The following MOCOS variants were observed in gnomAD, a reference collection of about 807,000 sequenced individuals.
MOCOS encodes the protein molybdenum cofactor sulfurase.
MOCOS carries 86 observed loss-of-function variants against 83.6 expected under a neutral mutation model. The observed-to-expected ratio is 1.03, with a 90% CI of 0.86 to 1.23. The LOEUF is 1.23. MOCOS is among the 50% of genes most tolerant of loss of function. The pLI, the probability that MOCOS is intolerant of heterozygous loss-of-function variation, is 0.00. For missense variants in MOCOS, 1,120 were observed against 1,126.9 expected, an observed-to-expected ratio of 0.99 and a Z score of 0.09; for synonymous variants, 445 against 434.7, an observed-to-expected ratio of 1.02 and a Z score of -0.29.
Position 36,187,520 on chromosome 18 carries a change from T to C in MOCOS, c.-20T>C, listed in dbSNP as rs1478224739. ...GCGCACTTCCCGGGCCCGGCCGGCC[T>C]GGATGGACTAGCCGGGGCCATGGCC... On this transcript the variant is annotated 5_prime_UTR_variant, in exon 1 of 15. Transcript: ENST00000261326. The C allele has an allele frequency of 8.1e-7, 1 of 1,230,720 alleles. No individual in the cohort carries two copies. Among genetic ancestry groups the C allele is most frequent in the Non-Finnish European group, 1.0e-6 (1 of 986,542 alleles). 76.2% of individuals were successfully genotyped at this position (1,230,720 alleles called of 1,614,324 possible).
intron 5 of MOCOS, among the ~76,000 whole-genome samples, chr18:36,204,153 G>A (rs1033959362): frequency 5.9e-5 from 9 of 151,930 alleles, no homozygotes; most frequent in South Asian, 2.1e-4. Context: ...TCACAATGTC[G>A]TGCCACCATC....
At chr18:36,202,897 A>G (rs1486390644) in intron 4 of MOCOS, among the ~76,000 whole-genome samples, 1 of 152,192 alleles carries the variant, frequency 6.6e-6, no homozygotes. Context: ...AAATGAGAAC[A>G]GCAAGGGGGA....
At chr18:36,219,168 T>TTTATTA (rs1045510701) in intron 8 of MOCOS, among the ~76,000 whole-genome samples, 4 of 150,804 alleles carry the variant, frequency 2.7e-5, no homozygotes, top group African/African-American at 7.3e-5. Context: ...TGCCTGGCTA[T>TTTATTA]TTATTATTAT....
intron 11 of MOCOS, among the ~76,000 whole-genome samples, chr18:36,251,717 T>A (rs1279018335): frequency 2.0e-5 from 3 of 152,196 alleles, no homozygotes; most frequent in African/African-American, 7.2e-5. Flanking sequence ...TCTATAGACC[T>A]CAGCTCCTCA....
chr18:36,263,385 G>A (rs1484429021), intron 13 of MOCOS, among the ~76,000 whole-genome samples: 1 of 152,222 alleles, frequency 6.6e-6, no homozygotes, highest in East Asian at 1.9e-4. Flanking sequence ...CTTCAAAGGA[G>A]AAGAACTAAG....
At chr18:36,255,359 A>G (rs12606711) in intron 11 of MOCOS, among the ~76,000 whole-genome samples, 3,659 of 152,322 alleles carry the variant, frequency 0.024, 115 homozygotes, top group East Asian at 0.13. Flanking sequence ...TCTCTTGACA[A>G]CTTAATTAGG....
At chr18:36,241,675 T>A (rs2091583466) in intron 9 of MOCOS, among the ~76,000 whole-genome samples, 1 of 152,240 alleles carries the variant, frequency 6.6e-6, no homozygotes, top group African/African-American at 2.4e-5. Flanking sequence ...TCTGTGCTGC[T>A]CTAGCAGAGG....
At position 36,250,313 on chromosome 18, in the gene MOCOS, G is replaced by A. The variant is rs140862591; in HGVS notation, c.2040-846G>A. ...TGCATGGTATCAAACCATATTGCAC[G>A]TCTTTGTGCACTGCCCTGAACATAT... On this transcript the variant is annotated intron_variant, in intron 10 of 14. Coordinates refer to ENST00000261326, the MANE Select transcript of MOCOS (RefSeq NM_017947.4). Among the ~76,000 whole-genome samples, 344 of 152,344 alleles carry A rather than the reference G, an allele frequency of 2.3e-3. 1 individual carries two copies. The highest frequency in any genetic ancestry group is 7.0e-3 in the African/African-American group (291 of 41,582).
intron 1 of MOCOS, among the ~76,000 whole-genome samples, chr18:36,194,974 A>T (rs565809259): frequency 6.6e-6 from 1 of 152,286 alleles, no homozygotes; most frequent in Non-Finnish European, 1.5e-5. Flanking sequence ...TTCATCACGA[A>T]TGTCTGCTGG....
chr18:36,254,560 T>A (rs112813519), intron 11 of MOCOS, among the ~76,000 whole-genome samples: 7 of 151,000 alleles, frequency 4.6e-5, no homozygotes, highest in African/African-American at 1.7e-4. Flanking sequence ...TAATAGTCAG[T>A]TTTATTTCTT....
intron 1 of MOCOS, among the ~76,000 whole-genome samples, chr18:36,193,874 C>A (rs1261976231): frequency 6.6e-6 from 1 of 152,188 alleles, no homozygotes; most frequent in Middle Eastern, 3.4e-3. Context: ...TTATAATACA[C>A]AAAAGTGGAA....
chr18:36,210,724 A>C (rs942116429), intron 6 of MOCOS, among the ~76,000 whole-genome samples: 4 of 151,334 alleles, frequency 2.6e-5, no homozygotes, highest in Non-Finnish European at 5.9e-5. Flanking sequence ...GGTGGCACAC[A>C]CCTGTAACCC....
chr18:36,265,353 C>T (rs1427859297), intron 13 of MOCOS, among the ~76,000 whole-genome samples: 2 of 152,210 alleles, frequency 1.3e-5, no homozygotes, highest in East Asian at 1.9e-4. Flanking sequence ...TCCCTGCCTT[C>T]GTGCCATCCT....
At chr18:36,261,688 A>C (rs546688539) in intron 13 of MOCOS, among the ~76,000 whole-genome samples, 1 of 152,254 alleles carries the variant, frequency 6.6e-6, no homozygotes, top group Admixed American at 6.5e-5. Context: ...CTCCCCCTTG[A>C]CAAGCAATCT....
chr18:36,220,306 C>A, intron 9 of MOCOS, 89 bp downstream of exon 9: 2 of 1,507,050 alleles, frequency 1.3e-6, no homozygotes, highest in Non-Finnish European at 9.0e-7. Flanking sequence ...TAGAATAACC[C>A]ATCAGCCTGG....
intron 13 of MOCOS, among the ~76,000 whole-genome samples, chr18:36,265,669 C>T (rs2091679358): frequency 6.6e-6 from 1 of 151,878 alleles, no homozygotes; most frequent in Non-Finnish European, 1.5e-5. Flanking sequence ...ACAGTATGAC[C>T]TGTATTAAGA....
intron 9 of MOCOS, among the ~76,000 whole-genome samples, chr18:36,226,581 G>T (rs548794392): frequency 6.6e-6 from 1 of 151,430 alleles, no homozygotes; most frequent in Non-Finnish European, 1.5e-5. Flanking sequence ...TTGGCTAGTT[G>T]TTTTCTGTTA....
At chr18:36,246,645 T>C (rs2091603167) in intron 9 of MOCOS, among the ~76,000 whole-genome samples, 3 of 152,242 alleles carry the variant, frequency 2.0e-5, no homozygotes, top group Admixed American at 2.0e-4. Flanking sequence ...ATGCTGGTTA[T>C]GCTAGCAGTG....
intron 1 of MOCOS, among the ~76,000 whole-genome samples, chr18:36,187,994 T>C (rs2091348572): frequency 6.6e-6 from 1 of 152,240 alleles, no homozygotes; most frequent in South Asian, 2.1e-4. Flanking sequence ...GACCCCTCAC[T>C]GTAAAGGGCC....
Sources: gnomAD v4.1 joint callset for allele counts (sites outside exome capture counted in the v4.1 genomes callset) on GRCh38, gnomAD v4.1.1 for gene constraint, MANE v1.5 for transcripts, NCBI Gene and HGNC (gene_info 2026-07-23, HGNC 2026-07-21) for gene names.